Variants in FER observed in about 807,000 individuals in gnomAD.
The protein encoded by FER is FER tyrosine kinase.
FER carries 63 observed loss-of-function variants against 111.0 expected under a neutral mutation model. The observed-to-expected ratio is 0.57, with a 90% CI of 0.46 to 0.70. The LOEUF (loss-of-function observed/expected upper bound fraction) is 0.70, where lower values mean the gene tolerates loss of function less well. FER is among the 30% of genes least tolerant of loss of function. The pLI is 0.00. For missense variants in FER, 914 were observed against 954.0 expected (o/e 0.96, Z 0.55); for synonymous variants, 327 against 313.9 (o/e 1.04, Z -0.44).
rs986052183 is a variant in FER at position 109,180,971 on chromosome 5, A to G, written c.2203+70A>G. The G allele has an allele frequency of 4.4e-5, 59 of 1,326,658 alleles. No homozygotes were observed. The East Asian group carries it at 7.8e-4, about 18-fold the overall frequency. 82.2% of individuals were successfully genotyped at this position (1,326,658 alleles called of 1,614,324 possible). A position where few individuals can be genotyped will look rare whatever the true frequency, so the allele number is the denominator to read the frequency against. On this transcript the variant is annotated intron_variant, in intron 18 of 19. Transcript: ENST00000281092. ...CATCAGCATAAAACATTCACAAGCA[A>G]TATTTACAGGGGTAGCACAGAATGC...
intron 13 of FER, among the ~76,000 whole-genome samples, chr5:109,010,517 C>G (rs999852252): frequency 6.6e-6 from 1 of 151,972 alleles, no homozygotes; most frequent in African/African-American, 2.4e-5. Flanking sequence ...ATAAGGTTTT[C>G]ACCAATATTT....
chr5:109,002,758 A>G (rs185204234), intron 13 of FER, among the ~76,000 whole-genome samples: 5,164 of 152,280 alleles, frequency 0.034, 149 homozygotes, highest in African/African-American at 0.077. Flanking sequence ...TCTACAATGA[A>G]CTCAAATTTA....
intron 13 of FER, among the ~76,000 whole-genome samples, chr5:108,977,698 C>G (rs1044356261): frequency 5.3e-5 from 8 of 152,168 alleles, no homozygotes; most frequent in Non-Finnish European, 8.8e-5. Flanking sequence ...TTTCCTCATC[C>G]TTCACATTTA....
chr5:109,043,261 A>G (rs1246554970), intron 14 of FER, among the ~76,000 whole-genome samples: 1 of 152,334 alleles, frequency 6.6e-6, no homozygotes, highest in East Asian at 1.9e-4. Flanking sequence ...AATCATGTAA[A>G]TTAATATCTT....
chr5:108,893,021 G>A (rs1044295515), intron 9 of FER, among the ~76,000 whole-genome samples: 2 of 152,074 alleles, frequency 1.3e-5, no homozygotes, highest in South Asian at 4.1e-4. Flanking sequence ...TGTTCCATTG[G>A]TCTACATCTC....
At chr5:108,889,641 C>T (rs926400280) in intron 9 of FER, among the ~76,000 whole-genome samples, 1 of 151,862 alleles carries the variant, frequency 6.6e-6, no homozygotes, top group Non-Finnish European at 1.5e-5. Flanking sequence ...TTTAATTGTA[C>T]ATTTTAAAAT....
intron 2 of FER, among the ~76,000 whole-genome samples, chr5:108,790,190 A>G (rs1157572901): frequency 6.6e-6 from 1 of 151,546 alleles, no homozygotes; most frequent in East Asian, 1.9e-4. Context: ...CAACATAGGG[A>G]GATCCCATCT....
chr5:108,915,421 A>G (rs541642412), intron 10 of FER, among the ~76,000 whole-genome samples: 1 of 152,330 alleles, frequency 6.6e-6, no homozygotes, highest in Non-Finnish European at 1.5e-5. Context: ...GCATGAGCCG[A>G]GATTGCCCCA....
intron 13 of FER, among the ~76,000 whole-genome samples, chr5:109,031,601 G>T (rs540339999): frequency 1.3e-5 from 2 of 152,254 alleles, no homozygotes; most frequent in African/African-American, 4.8e-5. Context: ...TGGTTAGAAA[G>T]TACATTTCTA....
At chr5:108,927,293 G>A (rs984793496) in intron 10 of FER, among the ~76,000 whole-genome samples, 5 of 97,194 alleles carry the variant, frequency 5.1e-5, no homozygotes, top group African/African-American at 3.0e-4. Flanking sequence ...TCGCTCTGTC[G>A]CCCAGGCCGG....
At chr5:108,998,696 C>T (rs1764330735) in intron 13 of FER, among the ~76,000 whole-genome samples, 1 of 151,732 alleles carries the variant, frequency 6.6e-6, no homozygotes, top group South Asian at 2.1e-4. Flanking sequence ...AAGGCCTTTT[C>T]TGGGTCTGTT....
intron 10 of FER, among the ~76,000 whole-genome samples, chr5:108,944,828 A>G (rs186603731): frequency 2.5e-5 from 3 of 121,514 alleles, no homozygotes; most frequent in Non-Finnish European, 3.8e-5. Context: ...AGGCCAACCT[A>G]TCTATAAAGA....
rs1759394936 is a variant in FER, at chr5:109,191,689, T to A, written c.*4114T>A. Reference sequence around the variant, plus strand: ...AGTTTACCATCAAAATAGCGTTACTTCTTTTATGACTAACTCTGATTTGCT... The same window carrying A: ...AGTTTACCATCAAAATAGCGTTACTACTTTTATGACTAACTCTGATTTGCT... On this transcript the variant is annotated 3_prime_UTR_variant, in exon 20 of 20. Coordinates refer to ENST00000281092, the MANE Select transcript of FER (RefSeq NM_005246.4). 6.6e-6 allele frequency: 1 copy of A among 152,220 alleles called. No homozygotes were observed. Among genetic ancestry groups the A allele is most frequent in the Non-Finnish European group, 1.5e-5 (1 of 68,034 alleles). The allele number at this position is 152,220 out of a possible 1,614,324, so 9.4% of individuals were successfully genotyped here. A position where few individuals can be genotyped will look rare whatever the true frequency, so the allele number is the denominator to read the frequency against.
chr5:108,802,469 G>A lies in FER; in HGVS notation c.207+4080G>A, dbSNP rs183928872. Reference sequence around the variant, plus strand: ...AATGACCCCATTACCAAAGTCGTAAGCATAATACCCAATAGTTTTTCAGCC... The same window carrying A: ...AATGACCCCATTACCAAAGTCGTAAACATAATACCCAATAGTTTTTCAGCC... On this transcript the variant is annotated intron_variant, in intron 3 of 19. Coordinates refer to ENST00000281092, the MANE Select transcript of FER (RefSeq NM_005246.4). Among the ~76,000 whole-genome samples the A allele has an allele frequency of 2.1e-3, 315 of 152,152 alleles. 3 individuals carry two copies. Among genetic ancestry groups the A allele is most frequent in the African/African-American group, 7.0e-3 (292 of 41,536 alleles).
chr5:109,013,085 T>A (rs955918234), intron 13 of FER, among the ~76,000 whole-genome samples: 105 of 151,718 alleles, frequency 6.9e-4, no homozygotes, highest in Non-Finnish European at 1.4e-3. Context: ...AATTTAATTT[T>A]ATTATTATTA....
chr5:108,765,400 C>G (rs1021353268), intron 1 of FER, among the ~76,000 whole-genome samples: 7 of 152,084 alleles, frequency 4.6e-5, no homozygotes, highest in African/African-American at 1.7e-4. Flanking sequence ...TACATGGGTC[C>G]TGTGACTAGC....
At chr5:108,996,055 A>T (rs115422313) in intron 13 of FER, among the ~76,000 whole-genome samples, 7,094 of 152,256 alleles carry the variant, frequency 0.047, 264 homozygotes, top group South Asian at 0.11. Flanking sequence ...TTGGCCGCAT[A>T]AATGTCTTTT....
intron 10 of FER, among the ~76,000 whole-genome samples, chr5:108,922,321 T>G (rs1197321981): frequency 6.6e-6 from 1 of 152,194 alleles, no homozygotes; most frequent in Non-Finnish European, 1.5e-5. Context: ...GTGATTATTG[T>G]CTTTATAAAT....
intron 2 of FER, among the ~76,000 whole-genome samples, chr5:108,781,869 G>C (rs996115280): frequency 6.6e-6 from 1 of 151,982 alleles, no homozygotes; most frequent in African/African-American, 2.4e-5. Flanking sequence ...GAATGTTCTA[G>C]CTTATTTAAA....
Sources: allele counts gnomAD v4.1 joint callset (sites outside exome capture counted in the v4.1 genomes callset), GRCh38; gene constraint gnomAD v4.1.1; transcripts MANE v1.5; gene names NCBI Gene and HGNC (gene_info 2026-07-23, HGNC 2026-07-21).